LNPK: variants seen among roughly 807,000 people sequenced by gnomAD.
The protein encoded by LNPK is lunapark, ER junction formation factor.
A neutral mutation model predicts 55.2 loss-of-function variants in LNPK; 29 were observed. The ratio of observed to expected loss-of-function variants is 0.53; its 90% CI spans 0.39 to 0.72. The LOEUF is 0.72. LNPK is among the 30% of genes least tolerant of loss of function. The pLI is 0.00. For missense variants in LNPK, 467 were observed against 494.8 expected, an observed-to-expected ratio of 0.94 and a Z score of 0.53; for synonymous variants, 162 against 168.2, an observed-to-expected ratio of 0.96 and a Z score of 0.29.
chr2:175,971,681 A>G (rs1234463911), intron 5 of LNPK, among the ~76,000 whole-genome samples: 1 of 152,200 alleles, frequency 6.6e-6, no homozygotes, highest in East Asian at 1.9e-4. Context: ...ACAAACATAT[A>G]AAAAGATGAT....
chr2:175,994,258 C>T, intron 2 of LNPK: 1 of 970,354 alleles, frequency 1.0e-6, no homozygotes. Context: ...CAGTTGAATA[C>T]TGGCAATTTC....
intron 1 of LNPK, among the ~76,000 whole-genome samples, chr2:176,000,498 A>G (rs1293728698): frequency 1.3e-5 from 2 of 152,216 alleles, no homozygotes; most frequent in Admixed American, 6.5e-5. Context: ...GAAAGCACCT[A>G]TTTCATAATT....
chr2:175,954,495 A>G (rs1685590833), intron 8 of LNPK, among the ~76,000 whole-genome samples: 1 of 152,246 alleles, frequency 6.6e-6, no homozygotes, highest in Non-Finnish European at 1.5e-5. Flanking sequence ...CAGAAAAGCT[A>G]TCTTTAAGCA....
chr2:175,981,469 T>C (rs780315597), intron 4 of LNPK, among the ~76,000 whole-genome samples: 4 of 152,200 alleles, frequency 2.6e-5, no homozygotes, highest in Non-Finnish European at 5.9e-5. Flanking sequence ...GATATCTTAT[T>C]GGGATTTGAA....
chr2:175,949,299 T>C (rs1244839010), intron 8 of LNPK, among the ~76,000 whole-genome samples: 1 of 152,090 alleles, frequency 6.6e-6, no homozygotes. Context: ...TAACTTTATT[T>C]TTTACTCACA....
At chr2:175,944,009 G>A (rs549483396) in intron 9 of LNPK, among the ~76,000 whole-genome samples, 2 of 152,170 alleles carry the variant, frequency 1.3e-5, no homozygotes, top group South Asian at 4.1e-4. Flanking sequence ...AGACAATGTG[G>A]CTATGTAGAA....
At chr2:175,995,753 A>G in intron 1 of LNPK, 107 bp from the exon 2 acceptor site, 1 of 289,142 alleles carries the variant, frequency 3.5e-6, no homozygotes, top group East Asian at 8.9e-5. Context: ...ATTTATTTGG[A>G]TGCCACATAT....
In LNPK at chr2:175,927,220, C is replaced by G. The variant is rs1328012011; in HGVS notation, c.*2747G>C. 1 of 152,158 alleles carries G rather than the reference C, an allele frequency of 6.6e-6. No homozygotes were observed. Among genetic ancestry groups the G allele is most frequent in the Non-Finnish European group, 1.5e-5 (1 of 68,034 alleles). 9.4% of individuals were successfully genotyped at this position (152,158 alleles called of 1,614,324 possible). A position where few individuals can be genotyped will look rare whatever the true frequency, so the allele number is the denominator to read the frequency against. ...ATGTCAATACTGCCAAGCAGTGAAA[C>G]AAGAACTGAGAGTTTTCACTGGATT... On this transcript the variant is annotated 3_prime_UTR_variant, in exon 13 of 13. Transcript: ENST00000272748.
intron 1 of LNPK, among the ~76,000 whole-genome samples, chr2:176,001,491 A>G (rs570617416): frequency 6.6e-6 from 1 of 152,194 alleles, no homozygotes; most frequent in African/African-American, 2.4e-5. Flanking sequence ...CGGAATTTAG[A>G]TTTGTTTTTC....
chr2:175,969,825 A>G (rs1053680940), intron 6 of LNPK, among the ~76,000 whole-genome samples: 4 of 152,210 alleles, frequency 2.6e-5, no homozygotes, highest in Non-Finnish European at 5.9e-5. Flanking sequence ...AGGACACCCA[A>G]TAAGGAGCAA....
At chr2:176,000,489 A>C (rs1275037221) in intron 1 of LNPK, among the ~76,000 whole-genome samples, 2 of 152,170 alleles carry the variant, frequency 1.3e-5, no homozygotes, top group South Asian at 2.1e-4. Flanking sequence ...TCTTATAAAG[A>C]AAGCACCTAT....
chr2:175,981,768 G>GA (rs1687185765), intron 4 of LNPK, among the ~76,000 whole-genome samples: 1 of 152,140 alleles, frequency 6.6e-6, no homozygotes, highest in Non-Finnish European at 1.5e-5. Flanking sequence ...GCCTTGAGAT[G>GA]ACTGTGGCCC....
At chr2:175,964,005 C>T (rs947526930) in intron 8 of LNPK, among the ~76,000 whole-genome samples, 1 of 151,812 alleles carries the variant, frequency 6.6e-6, no homozygotes, top group Non-Finnish European at 1.5e-5. Context: ...GAAATCATAA[C>T]ATTTTTCAAA....
At position 175,985,259 on chromosome 2, in the gene LNPK, G is replaced by C. The variant is rs575865613; in HGVS notation, c.258-5391C>G. Among the ~76,000 whole-genome samples, 16 of 152,296 alleles carry C rather than the reference G, an allele frequency of 1.1e-4. No homozygotes were observed. In the South Asian group the frequency reaches 2.7e-3, roughly 26 times the overall value. ...AGCAAAAAGGAGCCTTGTGGTGATG[G>C]AACAGTTCTGGATCTGAATTGTGCG... On this transcript the variant is annotated intron_variant, in intron 4 of 12. Coordinates refer to ENST00000272748, the MANE Select transcript of LNPK (RefSeq NM_030650.3).
intron 4 of LNPK, among the ~76,000 whole-genome samples, chr2:175,984,427 G>C (rs1465946250): frequency 6.6e-6 from 1 of 152,030 alleles, no homozygotes; most frequent in Non-Finnish European, 1.5e-5. Flanking sequence ...GCCCGCCTCA[G>C]TCTCCCAAAG....
chr2:176,002,229 G>A lies in LNPK; in HGVS notation c.-132C>T. The A allele has an allele frequency of 4.4e-6, 2 of 452,058 alleles. No homozygotes were observed. Among genetic ancestry groups the A allele is most frequent in the South Asian group, 3.1e-5 (2 of 64,102 alleles). 28.0% of individuals were successfully genotyped at this position (452,058 alleles called of 1,614,324 possible). On this transcript the variant is annotated 5_prime_UTR_variant, in exon 1 of 13. Coordinates refer to ENST00000272748, the MANE Select transcript of LNPK (RefSeq NM_030650.3). ...AGTCTCGGCCGCCACCGCCCAGCCT[G>A]CCTCCAGAGCAGGCAGCAGCCGCCA...
At chr2:175,959,533 G>A (rs560810900) in intron 8 of LNPK, among the ~76,000 whole-genome samples, 15 of 152,238 alleles carry the variant, frequency 9.9e-5, no homozygotes, top group South Asian at 2.1e-4. Context: ...TCACCACCAG[G>A]CCTGCCTTAC....
rs567758340 is a variant in LNPK at position 175,925,765 on chromosome 2, A to T, written c.*4202T>A. 2 of 152,250 alleles carry T rather than the reference A, an allele frequency of 1.3e-5. No homozygotes were observed. Among genetic ancestry groups the T allele is most frequent in the African/African-American group, 4.8e-5 (2 of 41,420 alleles). The allele number at this position is 152,250 out of a possible 1,614,324, so 9.4% of individuals were successfully genotyped here. On this transcript the variant is annotated 3_prime_UTR_variant, in exon 13 of 13. Coordinates refer to ENST00000272748, the MANE Select transcript of LNPK (RefSeq NM_030650.3). ...CTGCAACCTCTGCCTCCCGTGTTCA[A>T]GCAATTCTCCTGCCTCAGGCTCCTG...
At chr2:175,968,002 A>G (rs1045495772) in intron 6 of LNPK, among the ~76,000 whole-genome samples, 1 of 152,212 alleles carries the variant, frequency 6.6e-6, no homozygotes, top group Non-Finnish European at 1.5e-5. Flanking sequence ...TACTTTATAC[A>G]TTTATATAAA....
Sources: allele counts gnomAD v4.1 joint callset (sites outside exome capture counted in the v4.1 genomes callset), GRCh38; gene constraint gnomAD v4.1.1; transcripts MANE v1.5; gene names NCBI Gene and HGNC (gene_info 2026-07-23, HGNC 2026-07-21).